SGCZ: variants seen among roughly 807,000 people sequenced by gnomAD.
SGCZ encodes zeta-sarcoglycan.
A neutral mutation model predicts 41.3 loss-of-function variants in SGCZ; 40 were observed. The observed-to-expected ratio is 0.97, with a 90% CI of 0.75 to 1.26. SGCZ has a LOEUF of 1.26. SGCZ is among the 50% of genes most tolerant of loss of function. SGCZ has a pLI of 0.00. For synonymous variants in SGCZ, 206 were observed against 137.5 expected (o/e 1.50, Z -3.49); for missense variants, 552 against 369.8 (o/e 1.49, Z -4.04).
intron 1 of SGCZ, among the ~76,000 whole-genome samples, chr8:15,053,453 T>A (rs1373046045): frequency 1.3e-5 from 2 of 152,148 alleles, no homozygotes; most frequent in Non-Finnish European, 2.9e-5. Flanking sequence ...CCATGTTACC[T>A]CCTGAACTAA....
chr8:15,221,304 A>G (rs1302331205), intron 1 of SGCZ, among the ~76,000 whole-genome samples: 4 of 152,070 alleles, frequency 2.6e-5, no homozygotes, highest in Non-Finnish European at 4.4e-5. Context: ...CTAAACTAAC[A>G]TGGGAGTGGG....
chr8:14,162,297 T>C (rs148204408), intron 5 of SGCZ, among the ~76,000 whole-genome samples: 194 of 152,250 alleles, frequency 1.3e-3, no homozygotes, highest in African/African-American at 4.5e-3. Flanking sequence ...TATCGGAATA[T>C]GGATTAAATA....
chr8:14,942,582 G>C (rs975191617), intron 1 of SGCZ, among the ~76,000 whole-genome samples: 1 of 152,088 alleles, frequency 6.6e-6, no homozygotes, highest in African/African-American at 2.4e-5. Flanking sequence ...AAGGAAGACT[G>C]TTCATTGGAA....
intron 1 of SGCZ, among the ~76,000 whole-genome samples, chr8:15,084,922 C>T (rs987749012): frequency 2.0e-5 from 3 of 152,114 alleles, no homozygotes; most frequent in Non-Finnish European, 4.4e-5. Flanking sequence ...ACACCAAATG[C>T]CTCCCCTCTT....
intron 4 of SGCZ, among the ~76,000 whole-genome samples, chr8:14,236,582 T>A (rs1806770884): frequency 6.6e-6 from 1 of 151,724 alleles, no homozygotes; most frequent in South Asian, 2.1e-4. Flanking sequence ...GATGATTAAT[T>A]TCTCATTAAA....
At chr8:14,969,764 C>A (rs1801232740) in intron 1 of SGCZ, among the ~76,000 whole-genome samples, 1 of 152,018 alleles carries the variant, frequency 6.6e-6, no homozygotes, top group South Asian at 2.1e-4. Flanking sequence ...TATGATGCAA[C>A]ACTTTTTGTT....
chr8:15,002,302 T>C (rs986943233), intron 1 of SGCZ, among the ~76,000 whole-genome samples: 9 of 152,082 alleles, frequency 5.9e-5, no homozygotes, highest in Admixed American at 5.9e-4. Context: ...TTCCTAAAAT[T>C]AATACTTTAA....
At chr8:15,173,881 C>G (rs532784110) in intron 1 of SGCZ, among the ~76,000 whole-genome samples, 2 of 152,080 alleles carry the variant, frequency 1.3e-5, no homozygotes, top group Non-Finnish European at 2.9e-5. Flanking sequence ...GCATGCACCA[C>G]CACACCTGGC....
intron 2 of SGCZ, among the ~76,000 whole-genome samples, chr8:14,333,281 A>G (rs2117056827): frequency 6.6e-6 from 1 of 152,216 alleles, no homozygotes; most frequent in African/African-American, 2.4e-5. Context: ...AACAAATCAT[A>G]TTTCTTGATG....
chr8:14,281,442 TAGTG>T lies in SGCZ; in HGVS notation c.336+42657_336+42660del, dbSNP rs1159190169. Reference sequence around the variant, plus strand: ...TAAGCAATATTTGTATCCACTAAGGTAGTGATTCTTAATTTTTTTATATCATAGA... The same window carrying T: ...TAAGCAATATTTGTATCCACTAAGGTATTCTTAATTTTTTTATATCATAGA... On this transcript the variant is annotated intron_variant, in intron 3 of 7. Transcript: ENST00000382080. 3.0e-5 allele frequency among the ~76,000 whole-genome samples: 4 copies of T among 135,566 alleles called. 1 individual carries two copies. Among genetic ancestry groups the T allele is most frequent in the African/African-American group, 9.9e-5 (4 of 40,334 alleles). The allele number at this position is 135,566 out of a possible 152,430, so 88.9% of individuals were successfully genotyped here.
chr8:14,584,225 G>C (rs140322810), intron 1 of SGCZ, among the ~76,000 whole-genome samples: 1 of 152,250 alleles, frequency 6.6e-6, no homozygotes, highest in African/African-American at 2.4e-5. Flanking sequence ...TGAAAGACAA[G>C]TAAAATTTAA....
chr8:14,427,498 C>G (rs1190882315), intron 2 of SGCZ, among the ~76,000 whole-genome samples: 8 of 151,890 alleles, frequency 5.3e-5, no homozygotes, highest in Non-Finnish European at 1.2e-4. Context: ...GGGGGGTTCC[C>G]ACTCCCCACT....
chr8:14,602,261 A>C (rs2117315760), intron 1 of SGCZ, among the ~76,000 whole-genome samples: 1 of 152,356 alleles, frequency 6.6e-6, no homozygotes, highest in South Asian at 2.1e-4. Context: ...ATTTTAACCA[A>C]CATTTACCTC....
At chr8:14,250,195 C>T (rs139058741) in intron 3 of SGCZ, among the ~76,000 whole-genome samples, 1 of 152,202 alleles carries the variant, frequency 6.6e-6, no homozygotes, top group East Asian at 1.9e-4. Flanking sequence ...CAAAAAGCTC[C>T]CAGCCAGAAC....
chr8:14,638,244 A>G (rs1404299383), intron 1 of SGCZ, among the ~76,000 whole-genome samples: 1 of 151,768 alleles, frequency 6.6e-6, no homozygotes, highest in Non-Finnish European at 1.5e-5. Context: ...TGCTACATCA[A>G]GTTTCTTAGA....
intron 1 of SGCZ, among the ~76,000 whole-genome samples, chr8:14,899,770 G>A (rs937694344): frequency 6.6e-6 from 1 of 151,882 alleles, no homozygotes; most frequent in African/African-American, 2.4e-5. Context: ...AGGAGAGAAG[G>A]GAGAAAAGAC....
At chr8:14,469,794 A>G (rs1177135170) in intron 2 of SGCZ, among the ~76,000 whole-genome samples, 1 of 152,146 alleles carries the variant, frequency 6.6e-6, no homozygotes, top group Non-Finnish European at 1.5e-5. Context: ...AAAAACCCAG[A>G]AAGAATGTCT....
intron 2 of SGCZ, among the ~76,000 whole-genome samples, chr8:14,530,222 T>TA (rs536515952): frequency 7.3e-4 from 110 of 151,212 alleles, no homozygotes; most frequent in African/African-American, 2.2e-3. Context: ...AAATTTTTTT[T>TA]AAAAAAAATA....
At chr8:15,104,399 CA>C (rs1453683033) in intron 1 of SGCZ, among the ~76,000 whole-genome samples, 1 of 152,090 alleles carries the variant, frequency 6.6e-6, no homozygotes, top group Non-Finnish European at 1.5e-5. Context: ...AGAGAGAAAC[CA>C]CACAAGGAAA....
Sources: allele counts gnomAD v4.1 joint callset (sites outside exome capture counted in the v4.1 genomes callset), GRCh38; gene constraint gnomAD v4.1.1; transcripts MANE v1.5; gene names NCBI Gene and HGNC (gene_info 2026-07-23, HGNC 2026-07-21).